The following TRABD2B variants were observed in gnomAD, a reference collection of about 807,000 sequenced individuals.
TRABD2B encodes the protein metalloprotease TIKI2.
Under a neutral mutation model 40.1 loss-of-function variants are expected in TRABD2B, and 14 were observed. The ratio of observed to expected loss-of-function variants is 0.35; its 90% CI spans 0.23 to 0.55. The LOEUF is 0.55. Among genes scored for constraint, TRABD2B ranks in the 20% least tolerant of loss-of-function variants. The probability of loss-of-function intolerance (pLI) is 0.90; values close to 1 mark genes in which losing one functional copy is unlikely to be tolerated. For missense variants in TRABD2B, 541 were observed against 648.6 expected, an observed-to-expected ratio of 0.83 and a Z score of 1.80; for synonymous variants, 263 against 277.0, an observed-to-expected ratio of 0.95 and a Z score of 0.50.
rs151103589 is a variant in TRABD2B at position 47,834,770 on chromosome 1, G to T, written c.667-33151C>A. Among the ~76,000 whole-genome samples the T allele has an allele frequency of 4.6e-3, 697 of 152,252 alleles. 4 individuals are homozygous for T. The highest frequency in any genetic ancestry group is 0.016 in the South Asian group (78 of 4,826). On this transcript the variant is annotated intron_variant, in intron 2 of 6. Coordinates refer to ENST00000606738, the MANE Select transcript of TRABD2B (RefSeq NM_001194986.2). ...ATTAATTAAATAGTGACAACAAACAGCAAAGGCAACAACAAATCCTGAGAA... is the reference window on the plus strand; with the variant it reads ...ATTAATTAAATAGTGACAACAAACATCAAAGGCAACAACAAATCCTGAGAA...
chr1:47,878,866 G>A (rs1374814912), intron 2 of TRABD2B, among the ~76,000 whole-genome samples: 1 of 152,186 alleles, frequency 6.6e-6, no homozygotes, highest in Admixed American at 6.5e-5. Context: ...GGAGGCTGAG[G>A]TAGGAGAATT....
chr1:47,945,212 A>G (rs78764359), intron 2 of TRABD2B, among the ~76,000 whole-genome samples: 2,816 of 152,250 alleles, frequency 0.018, 45 homozygotes, highest in Non-Finnish European at 0.028. Context: ...GAAGGCAGGG[A>G]AGCAATGTTG....
intron 2 of TRABD2B, among the ~76,000 whole-genome samples, chr1:47,869,478 T>C (rs1249444085): frequency 6.6e-6 from 1 of 152,136 alleles, no homozygotes; most frequent in East Asian, 1.9e-4. Flanking sequence ...AAGAAGATGA[T>C]GCTGTGATGG....
At chr1:47,803,692 G>C (rs181994551) in intron 2 of TRABD2B, among the ~76,000 whole-genome samples, 1 of 152,310 alleles carries the variant, frequency 6.6e-6, no homozygotes, top group Admixed American at 6.5e-5. Context: ...TTAGCTACCA[G>C]CCTCCCACAT....
At chr1:47,847,443 T>C (rs1645487659) in intron 2 of TRABD2B, among the ~76,000 whole-genome samples, 1 of 152,176 alleles carries the variant, frequency 6.6e-6, no homozygotes, top group Admixed American at 6.5e-5. Flanking sequence ...TGCATGGAAA[T>C]ATGTCGGGTT....
At chr1:47,859,136 G>A (rs914205017) in intron 2 of TRABD2B, among the ~76,000 whole-genome samples, 3 of 152,196 alleles carry the variant, frequency 2.0e-5, no homozygotes, top group Admixed American at 6.5e-5. Flanking sequence ...ACACAAAGCT[G>A]CCCCTCTTGA....
At position 47,875,695 on chromosome 1, in the gene TRABD2B, A is replaced by AG. The variant is rs1412433122; in HGVS notation, c.667-74077_667-74076insC. On this transcript the variant is annotated intron_variant, in intron 2 of 6. Coordinates refer to ENST00000606738, the MANE Select transcript of TRABD2B (RefSeq NM_001194986.2). ...GTCTCAAAAAAAAAAAAAAAAAAAA[A>AG]AAAAAGAAGAAGGAAAGGAAGAAAG... 9.1e-3 allele frequency among the ~76,000 whole-genome samples: 1,238 copies of AG among 136,230 alleles called. 122 individuals carry two copies. Among genetic ancestry groups the AG allele is most frequent in the Non-Finnish European group, 0.013 (837 of 63,200 alleles). The allele number at this position is 136,230 out of a possible 152,430, so 89.4% of individuals were successfully genotyped here. A position where few individuals can be genotyped will look rare whatever the true frequency, so the allele number is the denominator to read the frequency against.
At chr1:47,768,982 C>T (rs1043785894) in intron 6 of TRABD2B, among the ~76,000 whole-genome samples, 15 of 152,308 alleles carry the variant, frequency 9.8e-5, no homozygotes, top group Middle Eastern at 3.4e-3. Flanking sequence ...GATGAGCAAA[C>T]CCCTGATGGA....
chr1:47,997,150 G>T lies in TRABD2B; in HGVS notation c.-361C>A. On this transcript the variant is annotated 5_prime_UTR_variant, in exon 1 of 7. Coordinates refer to ENST00000606738, the MANE Select transcript of TRABD2B (RefSeq NM_001194986.2). The stretch of plus-strand genomic sequence containing the variant: ...CCTGGGGCAGAACCGAGAACCCGGG[G>T]TGCGCAAGGGTCCCGGGGTTATGCT... 1.0e-6 allele frequency: 1 copy of T among 984,176 alleles called. No individual in the cohort carries two copies. The highest frequency in any genetic ancestry group is 1.2e-6 in the Non-Finnish European group (1 of 829,518). The allele number at this position is 984,176 out of a possible 1,614,324, so 61.0% of individuals were successfully genotyped here.
At chr1:47,784,665 T>C (rs1644571423) in intron 4 of TRABD2B, among the ~76,000 whole-genome samples, 1 of 152,222 alleles carries the variant, frequency 6.6e-6, no homozygotes, top group African/African-American at 2.4e-5. Flanking sequence ...GGTGTTTTTT[T>C]TCCTGAGGAA....
chr1:47,937,408 C>G (rs1306083087), intron 2 of TRABD2B, among the ~76,000 whole-genome samples: 1 of 151,644 alleles, frequency 6.6e-6, no homozygotes, highest in Non-Finnish European at 1.5e-5. Context: ...ACCATCATCA[C>G]TACTACCATC....
chr1:47,866,492 A>G (rs373778456), intron 2 of TRABD2B, among the ~76,000 whole-genome samples: 1 of 152,142 alleles, frequency 6.6e-6, no homozygotes, highest in African/African-American at 2.4e-5. Context: ...ACTGCTTCCC[A>G]TGCTGTGAGA....
chr1:47,810,969 G>A (rs1644956897), intron 2 of TRABD2B, among the ~76,000 whole-genome samples: 1 of 152,228 alleles, frequency 6.6e-6, no homozygotes, highest in African/African-American at 2.4e-5. Flanking sequence ...GTGATGCTGC[G>A]TCAGCTCATG....
At position 47,913,591 on chromosome 1, in the gene TRABD2B, T is replaced by C. The variant is rs1432957869; in HGVS notation, c.666+80443A>G. Among the ~76,000 whole-genome samples the C allele has an allele frequency of 1.4e-4, 21 of 152,168 alleles. 1 individual carries two copies. Among genetic ancestry groups the C allele is most frequent in the Admixed American group, 1.4e-3 (21 of 15,282 alleles). ...TGTTGTCCCTTGAGGTCCCAGCACA[T>C]ACCCAAGACAGGAATGCATGCAGCG... On this transcript the variant is annotated intron_variant, in intron 2 of 6. Transcript: ENST00000606738.
At chr1:47,779,731 T>A (rs1401802798) in intron 4 of TRABD2B, among the ~76,000 whole-genome samples, 1 of 152,114 alleles carries the variant, frequency 6.6e-6, no homozygotes, top group Non-Finnish European at 1.5e-5. Context: ...GCCTGCCCTG[T>A]GGCTGCACTC....
At chr1:47,880,938 A>G (rs1241141081) in intron 2 of TRABD2B, among the ~76,000 whole-genome samples, 3 of 152,182 alleles carry the variant, frequency 2.0e-5, no homozygotes, top group East Asian at 3.8e-4. Context: ...GAGAACAGCA[A>G]TCCAGCGGGG....
Position 47,811,425 on chromosome 1 carries a change from C to T in TRABD2B, c.667-9806G>A, listed in dbSNP as rs184170408. 8.2e-4 allele frequency among the ~76,000 whole-genome samples: 125 copies of T among 152,266 alleles called. 1 individual carries two copies. Among genetic ancestry groups the T allele is most frequent in the Admixed American group, 8.0e-3 (123 of 15,292 alleles). On this transcript the variant is annotated intron_variant, in intron 2 of 6. Transcript: ENST00000606738. ...TCTCAGTGCTTTCCTGGGCGGGCATCGGGAAGCCTGACTCACCCTAGCTTT... is the reference window on the plus strand; with the variant it reads ...TCTCAGTGCTTTCCTGGGCGGGCATTGGGAAGCCTGACTCACCCTAGCTTT...
At chr1:47,884,824 C>G (rs1404046460) in intron 2 of TRABD2B, among the ~76,000 whole-genome samples, 2 of 152,012 alleles carry the variant, frequency 1.3e-5, no homozygotes, top group Admixed American at 6.6e-5. Flanking sequence ...CCATGTTGGC[C>G]AGGCTGGTCT....
intron 4 of TRABD2B, among the ~76,000 whole-genome samples, chr1:47,791,941 T>C (rs924411793): frequency 1.3e-5 from 2 of 152,202 alleles, no homozygotes; most frequent in African/African-American, 4.8e-5. Flanking sequence ...GCTTTGCTCA[T>C]GTCCCTGCCC....
Sources: allele counts gnomAD v4.1 joint callset (sites outside exome capture counted in the v4.1 genomes callset), GRCh38; gene constraint gnomAD v4.1.1; transcripts MANE v1.5; gene names NCBI Gene and HGNC (gene_info 2026-07-23, HGNC 2026-07-21).